The following BLZF1 variants were observed in gnomAD, a reference collection of about 807,000 sequenced individuals.
BLZF1 encodes golgin-45.
In BLZF1, 39 loss-of-function variants were observed where a neutral mutation model predicts 43.8. The ratio of observed to expected loss-of-function variants is 0.89; its 90% CI spans 0.69 to 1.16. The LOEUF (loss-of-function observed/expected upper bound fraction) is 1.16, where lower values mean the gene tolerates loss of function less well. Ranked by LOEUF, BLZF1 falls within the 50% of genes most tolerant of loss-of-function variation. The pLI is 0.00. For synonymous variants in BLZF1, 136 were observed against 159.4 expected (o/e 0.85, Z 1.11); for missense variants, 449 against 469.8 (o/e 0.96, Z 0.41).
At chr1:169,373,844 A>G (rs1017414589) in intron 2 of BLZF1, among the ~76,000 whole-genome samples, 1 of 152,186 alleles carries the variant, frequency 6.6e-6, no homozygotes, top group African/African-American at 2.4e-5. Flanking sequence ...AAAATGTTAC[A>G]GCTTGCCTAG....
intron 1 of BLZF1, among the ~76,000 whole-genome samples, 173 bp downstream of exon 1, chr1:169,368,515 T>C (rs1231493680): frequency 6.6e-6 from 1 of 152,126 alleles, no homozygotes; most frequent in Non-Finnish European, 1.5e-5. Context: ...TTGACAGGCT[T>C]GTCGCTTCCC....
Position 169,369,527 on chromosome 1 carries a change from C to T in BLZF1, c.5C>T (p.Thr2Ile). Residue 2 changes from threonine to isoleucine, a missense_variant, in exon 2 of 7, where the codon ACT becomes ATT. Thr to Ile is a moderately conservative substitution (Grantham distance 89, BLOSUM62 -1). Coordinates refer to ENST00000367808, the MANE Select transcript of BLZF1 (RefSeq NM_001320973.2). ...TTCAGTGGTTAAGGTGAAAAAATGA[C>T]TACTAAAAATTTAGAAACCAAAGGT... M[T>I]TKNLETKVTV... 1 of 1,608,946 alleles carries T rather than the reference C, an allele frequency of 6.2e-7. No homozygotes were observed. The highest frequency in any genetic ancestry group is 2.2e-5 in the East Asian group (1 of 44,696).
Position 169,376,563 on chromosome 1 carries a change from C to T in BLZF1, c.52C>T (p.Arg18Ter). The T allele has an allele frequency of 1.2e-6, 2 of 1,602,792 alleles. No homozygotes were observed. The highest frequency in any genetic ancestry group is 8.5e-7 in the Non-Finnish European group (1 of 1,176,292). ...TKVTVTSSPI[R>*]GAGDGMETEE... ...AGTCACCGTTACTTCATCCCCAATCCGAGGAGCAGGAGATGGAATGGAAAC... is the reference window on the plus strand; with the variant it reads ...AGTCACCGTTACTTCATCCCCAATCTGAGGAGCAGGAGATGGAATGGAAAC... The change falls in exon 3 of 7, where the codon CGA (arginine) becomes TGA (stop). Residue 18 changes from arginine to a stop codon, truncating the protein, a stop_gained. Transcript: ENST00000367808. LOFTEE classifies it high-confidence loss of function.
Position 169,376,831 on chromosome 1 carries a change from G to A in BLZF1, c.320G>A (p.Gly107Glu), listed in dbSNP as rs1654366927. 2 of 1,613,374 alleles carry A rather than the reference G, an allele frequency of 1.2e-6. No individual in the cohort carries two copies. Among genetic ancestry groups the A allele is most frequent in the Non-Finnish European group, 1.7e-6 (2 of 1,179,580 alleles). ...GTTAAGTCTCTGGGACATCATAAAGGAGAATTCCTTGGTCAGTCAGAGGGA... is the reference window on the plus strand; with the variant it reads ...GTTAAGTCTCTGGGACATCATAAAGAAGAATTCCTTGGTCAGTCAGAGGGA... ...TKVKSLGHHK[G>E]EFLGQSEGVI... Residue 107 changes from glycine to glutamate, a missense_variant, in exon 3 of 7, where the codon GGA (glycine) becomes GAA (glutamate). Physicochemically the swap from Gly to Glu is moderately conservative, Grantham distance 98. Coordinates refer to ENST00000367808, the MANE Select transcript of BLZF1 (RefSeq NM_001320973.2).
chr1:169,382,321 C>A, intron 6 of BLZF1, 40 bp downstream of exon 6: 1 of 1,548,104 alleles, frequency 6.5e-7, no homozygotes, highest in Non-Finnish European at 8.9e-7. Flanking sequence ...ACTTCTAACA[C>A]TGTCCTTTTA....
rs113644922 is a variant in BLZF1, at chr1:169,383,884, C to T, written c.1017+1603C>T. Among the ~76,000 whole-genome samples, 325 of 152,202 alleles carry T rather than the reference C, an allele frequency of 2.1e-3. 2 individuals carry two copies. Among genetic ancestry groups the T allele is most frequent in the African/African-American group, 7.4e-3 (308 of 41,532 alleles). On this transcript the variant is annotated intron_variant, in intron 6 of 6. Coordinates refer to ENST00000367808, the MANE Select transcript of BLZF1 (RefSeq NM_001320973.2). ...GGGGAGGGGCATCCTCTTCCTGTGA[C>T]CCCTCTTGAGCTTTCTTTACATAAC...
At chr1:169,374,027 A>C (rs1160047034) in intron 2 of BLZF1, among the ~76,000 whole-genome samples, 2 of 152,076 alleles carry the variant, frequency 1.3e-5, no homozygotes, top group Non-Finnish European at 2.9e-5. Context: ...TATTGACAAG[A>C]TTAGACAAGT....
chr1:169,394,404 G>A (rs767273940), intron 7 of BLZF1, among the ~76,000 whole-genome samples: 2 of 152,166 alleles, frequency 1.3e-5, no homozygotes, highest in East Asian at 1.9e-4. Context: ...CTGAGGGTCC[G>A]GGTATGATTG....
At position 169,378,451 on chromosome 1, in the gene BLZF1, A is replaced by T. The variant is rs1321686452; in HGVS notation, c.590A>T (p.Asn197Ile). 1 of 1,613,038 alleles carries T rather than the reference A, an allele frequency of 6.2e-7. No individual in the cohort carries two copies. Residue 197 changes from asparagine (N) to isoleucine (I), a missense_variant, in exon 4 of 7, where the codon AAC becomes ATC. Physicochemically the swap from Asn to Ile is moderately radical, Grantham distance 149. Coordinates refer to ENST00000367808, the MANE Select transcript of BLZF1 (RefSeq NM_001320973.2). Reference sequence around the variant, plus strand: ...TTAGAAAATGAAGCCCTAGGTCGAAACACAGCTCAGCTTTCTGAACAGTTA... The same window carrying T: ...TTAGAAAATGAAGCCCTAGGTCGAATCACAGCTCAGCTTTCTGAACAGTTA... ...LILENEALGR[N>I]TAQLSEQLER... is the part of the protein sequence containing the mutation.
intron 6 of BLZF1, among the ~76,000 whole-genome samples, chr1:169,386,761 T>C (rs1047718336): frequency 3.3e-5 from 5 of 151,634 alleles, no homozygotes; most frequent in African/African-American, 1.2e-4. Flanking sequence ...CTGTAAAACA[T>C]TAACGTCATT....
downstream of BLZF1, among the ~76,000 whole-genome samples, chr1:169,390,220 GAGTT>G (rs1654785276): frequency 6.6e-6 from 1 of 151,674 alleles, no homozygotes; most frequent in African/African-American, 2.4e-5. Flanking sequence ...ATAAAGATAA[GAGTT>G]AGTGAGCTAA....
At chr1:169,394,444 C>T (rs1236069300) in intron 7 of BLZF1, among the ~76,000 whole-genome samples, 1 of 152,042 alleles carries the variant, frequency 6.6e-6, no homozygotes, top group Non-Finnish European at 1.5e-5. Flanking sequence ...GAACATAGTA[C>T]CCAATAGTTA....
At chr1:169,385,642 C>G (rs963690636) in intron 6 of BLZF1, among the ~76,000 whole-genome samples, 1 of 152,176 alleles carries the variant, frequency 6.6e-6, no homozygotes, top group Non-Finnish European at 1.5e-5. Flanking sequence ...TTCATCTTTG[C>G]TTATCCTCTA....
intron 6 of BLZF1, among the ~76,000 whole-genome samples, chr1:169,383,640 G>A (rs181236818): frequency 7.9e-5 from 12 of 152,078 alleles, no homozygotes; most frequent in Middle Eastern, 3.4e-3. Context: ...ATACTGTATC[G>A]AGCATTCCTT....
intron 5 of BLZF1, among the ~76,000 whole-genome samples, 179 bp from the exon 6 acceptor site, chr1:169,381,883 T>A (rs988315125): frequency 5.9e-5 from 9 of 152,210 alleles, no homozygotes; most frequent in African/African-American, 2.2e-4. Context: ...GATTAACATA[T>A]GCTTTCTGTA....
At chr1:169,371,248 T>G (rs991358087) in intron 2 of BLZF1, among the ~76,000 whole-genome samples, 16 of 152,286 alleles carry the variant, frequency 1.1e-4, no homozygotes, top group East Asian at 1.9e-4. Context: ...AGTTAAATAA[T>G]TAATGTGAAA....
chr1:169,369,600 G>T (rs1052938333), intron 2 of BLZF1, 50 bp downstream of exon 2: 6 of 1,426,694 alleles, frequency 4.2e-6, no homozygotes, highest in Non-Finnish European at 5.9e-6. Context: ...TTATGACGAT[G>T]TGAAGGAACG....
At chr1:169,375,397 T>TATATAAAAC (rs1553199962) in intron 2 of BLZF1, among the ~76,000 whole-genome samples, 1 of 35,624 alleles carries the variant, frequency 2.8e-5, no homozygotes, top group African/African-American at 9.7e-5. Flanking sequence ...ATAAAACATA[T>TATATAAAAC]ATATATATAT....
downstream of BLZF1, among the ~76,000 whole-genome samples, chr1:169,390,160 C>T (rs1654783919): frequency 6.6e-6 from 1 of 151,184 alleles, no homozygotes; most frequent in Non-Finnish European, 1.5e-5. Context: ...ACCACAAACT[C>T]GTGGCACACT....
Sources: gnomAD v4.1 joint callset for allele counts (sites outside exome capture counted in the v4.1 genomes callset) on GRCh38, gnomAD v4.1.1 for gene constraint, MANE v1.5 for transcripts, NCBI Gene and HGNC (gene_info 2026-07-23, HGNC 2026-07-21) for gene names.